The following CTDSPL2 variants were observed in gnomAD, a reference collection of about 807,000 sequenced individuals.
The protein encoded by CTDSPL2 is CTD small phosphatase like 2.
In CTDSPL2, 5 loss-of-function variants were observed where a neutral mutation model predicts 60.0. The observed-to-expected ratio is 0.08, with a 90% CI of 0.04 to 0.18. The LOEUF is 0.18. CTDSPL2 is among the 10% of genes least tolerant of loss of function. The probability of loss-of-function intolerance (pLI) is 1.00; values close to 1 mark genes in which losing one functional copy is unlikely to be tolerated. For synonymous variants in CTDSPL2, 186 were observed against 189.3 expected, an observed-to-expected ratio of 0.98 and a Z score of 0.14; for missense variants, 370 against 548.8, an observed-to-expected ratio of 0.67 and a Z score of 3.26.
intron 1 of CTDSPL2, among the ~76,000 whole-genome samples, chr15:44,429,383 TA>T (rs2079811641): frequency 6.6e-6 from 1 of 152,220 alleles, no homozygotes; most frequent in African/African-American, 2.4e-5. Flanking sequence ...ATCATTGGTC[TA>T]GTGTGTAGGT....
chr15:44,437,511 G>A (rs2080001379), intron 1 of CTDSPL2, among the ~76,000 whole-genome samples: 2 of 152,174 alleles, frequency 1.3e-5, no homozygotes, highest in Admixed American at 1.3e-4. Flanking sequence ...ATCTTATGAG[G>A]AAGAAACTTT....
intron 10 of CTDSPL2, among the ~76,000 whole-genome samples, chr15:44,518,200 T>C (rs2081692479): frequency 6.6e-6 from 1 of 152,160 alleles, no homozygotes; most frequent in Non-Finnish European, 1.5e-5. Flanking sequence ...TTTTGTAAAA[T>C]TGTTAGTGTG....
intron 1 of CTDSPL2, among the ~76,000 whole-genome samples, chr15:44,443,555 C>T (rs1340553378): frequency 6.6e-6 from 1 of 152,108 alleles, no homozygotes; most frequent in Admixed American, 6.6e-5. Context: ...CACATTCTTG[C>T]CGGCAATTTT....
At chr15:44,444,261 C>G (rs147516475) in intron 1 of CTDSPL2, among the ~76,000 whole-genome samples, 137 of 149,252 alleles carry the variant, frequency 9.2e-4, no homozygotes, top group African/African-American at 3.0e-3. Context: ...TTGTCATGAC[C>G]AAGAAACCAT....
intron 2 of CTDSPL2, among the ~76,000 whole-genome samples, chr15:44,467,608 C>A (rs572798989): frequency 6.6e-6 from 1 of 152,084 alleles, no homozygotes; most frequent in Admixed American, 6.6e-5. Context: ...GAGTCTCACT[C>A]TCTCGCCCAG....
chr15:44,518,752 A>G (rs1595782271), intron 10 of CTDSPL2: 1 of 152,826 alleles, frequency 6.5e-6, no homozygotes, highest in South Asian at 2.1e-4. Context: ...TTACTGTGTG[A>G]CCTTGGGCAA....
intron 1 of CTDSPL2, among the ~76,000 whole-genome samples, chr15:44,442,014 C>G (rs1021504746): frequency 5.3e-5 from 8 of 152,132 alleles, no homozygotes; most frequent in Admixed American, 4.6e-4. Context: ...CGCTGGATTG[C>G]TTTTTCTTCT....
chr15:44,499,862 A>T, intron 8 of CTDSPL2, 49 bp downstream of exon 8: 1 of 1,059,254 alleles, frequency 9.4e-7, no homozygotes, highest in South Asian at 1.3e-5. Context: ...TAACATTCTG[A>T]TAAAAAAAAC....
At chr15:44,453,754 C>G (rs1296672203) in intron 1 of CTDSPL2, among the ~76,000 whole-genome samples, 1 of 152,124 alleles carries the variant, frequency 6.6e-6, no homozygotes, top group African/African-American at 2.4e-5. Context: ...AGGACATGAA[C>G]TCATCCTTTT....
At chr15:44,467,817 T>C (rs1344113374) in intron 2 of CTDSPL2, among the ~76,000 whole-genome samples, 1 of 152,122 alleles carries the variant, frequency 6.6e-6, no homozygotes, top group African/African-American at 2.4e-5. Context: ...TCAAGTGATC[T>C]ACTCGCCTCG....
At chr15:44,476,067 T>C (rs1366261150) in intron 2 of CTDSPL2, among the ~76,000 whole-genome samples, 1 of 151,050 alleles carries the variant, frequency 6.6e-6, no homozygotes, top group African/African-American at 2.4e-5. Flanking sequence ...TATTAAAAAG[T>C]TACATTTTTT....
intron 6 of CTDSPL2, 130 bp downstream of exon 6, chr15:44,496,588 G>T: frequency 1.5e-6 from 1 of 688,098 alleles, no homozygotes; most frequent in Non-Finnish European, 2.5e-6. Context: ...ACTTTTAATG[G>T]GGCTGGGTGC....
intron 8 of CTDSPL2, among the ~76,000 whole-genome samples, chr15:44,508,516 A>G (rs963869380): frequency 1.3e-5 from 2 of 152,232 alleles, no homozygotes; most frequent in Non-Finnish European, 2.9e-5. Flanking sequence ...AACAGATGTC[A>G]TACTCTAAAG....
chr15:44,503,617 A>G (rs909595454), intron 8 of CTDSPL2: 2 of 152,226 alleles, frequency 1.3e-5, no homozygotes, highest in African/African-American at 4.8e-5. Context: ...TGAAGATGTA[A>G]TAGAACTACT....
chr15:44,442,087 A>T (rs2080100500), intron 1 of CTDSPL2, among the ~76,000 whole-genome samples: 1 of 152,064 alleles, frequency 6.6e-6, no homozygotes, highest in African/African-American at 2.4e-5. Context: ...AACTTTTGTC[A>T]TCTTTTCCCA....
chr15:44,431,724 T>G (rs34783028), intron 1 of CTDSPL2, among the ~76,000 whole-genome samples: 7,168 of 143,226 alleles, frequency 0.05, 208 homozygotes, highest in South Asian at 0.081. Context: ...TTGTTTTTTT[T>G]TTTTTTTTTT....
chr15:44,485,741 GCAA>G (rs1258349910), intron 3 of CTDSPL2, among the ~76,000 whole-genome samples: 1 of 152,126 alleles, frequency 6.6e-6, no homozygotes, highest in Non-Finnish European at 1.5e-5. Context: ...AAACACAGCA[GCAA>G]TTTCTCCCCT....
At chr15:44,487,565 G>A (rs531388552) in intron 4 of CTDSPL2, among the ~76,000 whole-genome samples, 8 of 152,294 alleles carry the variant, frequency 5.3e-5, no homozygotes, top group African/African-American at 1.9e-4. Flanking sequence ...TGGAAAAGTG[G>A]CAAAAGCCAT....
At chr15:44,429,826 C>T (rs1295373073) in intron 1 of CTDSPL2, among the ~76,000 whole-genome samples, 1 of 152,108 alleles carries the variant, frequency 6.6e-6, no homozygotes, top group Non-Finnish European at 1.5e-5. Context: ...AAGACCACCC[C>T]ACTGTACTCC....
Sources: allele counts gnomAD v4.1 joint callset (sites outside exome capture counted in the v4.1 genomes callset), GRCh38; gene constraint gnomAD v4.1.1; transcripts MANE v1.5; gene names NCBI Gene and HGNC (gene_info 2026-07-23, HGNC 2026-07-21).